ST6GALNAC5: variants seen among roughly 807,000 people sequenced by gnomAD.
The protein encoded by ST6GALNAC5 is ST6 N-acetylgalactosaminide alpha-2,6-sialyltransferase 5.
A neutral mutation model predicts 33.6 loss-of-function variants in ST6GALNAC5; 27 were observed. The ratio of observed to expected loss-of-function variants is 0.80; its 90% CI spans 0.59 to 1.11. ST6GALNAC5 has a LOEUF of 1.11. Among genes scored for constraint, ST6GALNAC5 ranks in the 50% least tolerant of loss-of-function variants. The pLI, the probability that ST6GALNAC5 is intolerant of heterozygous loss-of-function variation, is 0.00. For synonymous variants in ST6GALNAC5, 194 were observed against 171.2 expected, an observed-to-expected ratio of 1.13 and a Z score of -1.04; for missense variants, 428 against 454.0, an observed-to-expected ratio of 0.94 and a Z score of 0.52.
At chr1:76,928,488 G>C (rs1167654596) in intron 2 of ST6GALNAC5, among the ~76,000 whole-genome samples, 1 of 152,094 alleles carries the variant, frequency 6.6e-6, no homozygotes, top group Non-Finnish European at 1.5e-5. Context: ...AATAAAGGTA[G>C]CACATTGGCT....
At chr1:77,037,027 G>A (rs1338272096) in intron 2 of ST6GALNAC5, among the ~76,000 whole-genome samples, 1 of 152,058 alleles carries the variant, frequency 6.6e-6, no homozygotes, top group East Asian at 1.9e-4. Flanking sequence ...GGAGAAGAGT[G>A]GCTTGGGTGG....
intron 2 of ST6GALNAC5, among the ~76,000 whole-genome samples, chr1:76,898,443 G>A (rs1417826855): frequency 6.6e-6 from 1 of 152,206 alleles, no homozygotes; most frequent in Non-Finnish European, 1.5e-5. Context: ...TGTGGGGTTT[G>A]AGGGCCAGAA....
chr1:77,009,891 T>C (rs190485790), intron 2 of ST6GALNAC5, among the ~76,000 whole-genome samples: 1 of 152,332 alleles, frequency 6.6e-6, no homozygotes, highest in Non-Finnish European at 1.5e-5. Context: ...TCCTTTCCCA[T>C]TTGCTATTCT....
intron 2 of ST6GALNAC5, among the ~76,000 whole-genome samples, chr1:76,916,170 T>G (rs1213781673): frequency 2.0e-5 from 3 of 152,160 alleles, no homozygotes; most frequent in Non-Finnish European, 4.4e-5. Context: ...CTCGGTTCTC[T>G]TAAGTGTTTC....
intron 2 of ST6GALNAC5, among the ~76,000 whole-genome samples, chr1:76,875,735 G>C (rs941169353): frequency 6.6e-6 from 1 of 152,136 alleles, no homozygotes; most frequent in Admixed American, 6.5e-5. Context: ...CTGGACCCGT[G>C]CATCCTGGCT....
At chr1:76,932,096 A>G (rs540714977) in intron 2 of ST6GALNAC5, among the ~76,000 whole-genome samples, 109 of 152,242 alleles carry the variant, frequency 7.2e-4, no homozygotes, top group Middle Eastern at 3.4e-3. Context: ...TTAGGAATAA[A>G]GAAGTAGCGG....
At chr1:76,891,279 C>T (rs1050731861) in intron 2 of ST6GALNAC5, among the ~76,000 whole-genome samples, 6 of 152,130 alleles carry the variant, frequency 3.9e-5, no homozygotes, top group African/African-American at 1.4e-4. Flanking sequence ...CTTTTTAAAT[C>T]TTAGCCATCC....
chr1:77,036,064 A>C (rs1403626930), intron 2 of ST6GALNAC5, among the ~76,000 whole-genome samples: 1 of 152,230 alleles, frequency 6.6e-6, no homozygotes, highest in East Asian at 1.9e-4. Flanking sequence ...AAATAATCAA[A>C]GTACTGACAC....
intron 2 of ST6GALNAC5, among the ~76,000 whole-genome samples, chr1:77,024,596 A>C (rs1239769224): frequency 2.0e-5 from 3 of 152,148 alleles, no homozygotes; most frequent in Non-Finnish European, 4.4e-5. Context: ...TCTGCCTAGC[A>C]CTGTGTGCTC....
intron 2 of ST6GALNAC5, among the ~76,000 whole-genome samples, chr1:76,889,869 T>C (rs1307105411): frequency 6.6e-6 from 1 of 152,166 alleles, no homozygotes. Context: ...TCCTGGTCTT[T>C]GTCATAGTAT....
intron 2 of ST6GALNAC5, among the ~76,000 whole-genome samples, chr1:76,942,466 T>C (rs1647371422): frequency 6.6e-6 from 1 of 152,140 alleles, no homozygotes; most frequent in African/African-American, 2.4e-5. Flanking sequence ...CCAGTATCCA[T>C]GACTGACTGC....
chr1:76,880,912 A>G (rs946795040), intron 2 of ST6GALNAC5, among the ~76,000 whole-genome samples: 1 of 152,244 alleles, frequency 6.6e-6, no homozygotes, highest in African/African-American at 2.4e-5. Context: ...CTATTATAAA[A>G]GAGAATTTCC....
intron 2 of ST6GALNAC5, among the ~76,000 whole-genome samples, chr1:77,024,693 G>A (rs1651170165): frequency 6.6e-6 from 1 of 152,206 alleles, no homozygotes; most frequent in Non-Finnish European, 1.5e-5. Context: ...GAAGCTCCCT[G>A]CAGAGAACAA....
chr1:76,874,011 T>A (rs1232767484), intron 2 of ST6GALNAC5, among the ~76,000 whole-genome samples: 1 of 152,182 alleles, frequency 6.6e-6, no homozygotes, highest in Non-Finnish European at 1.5e-5. Context: ...CACTGAATAA[T>A]AATTTGAAAT....
At chr1:76,941,486 C>T (rs1451528048) in intron 2 of ST6GALNAC5, among the ~76,000 whole-genome samples, 1 of 152,120 alleles carries the variant, frequency 6.6e-6, no homozygotes, top group Admixed American at 6.6e-5. Flanking sequence ...ATCCCACCTC[C>T]TAATCACTAG....
chr1:76,991,271 A>C (rs189960385), intron 2 of ST6GALNAC5, among the ~76,000 whole-genome samples: 65 of 152,330 alleles, frequency 4.3e-4, no homozygotes, highest in Admixed American at 2.3e-3. Flanking sequence ...AAACATTGCA[A>C]ATGTTGGCTT....
chr1:77,040,972 T>C (rs1651813002), intron 2 of ST6GALNAC5, among the ~76,000 whole-genome samples: 1 of 152,210 alleles, frequency 6.6e-6, no homozygotes, highest in Non-Finnish European at 1.5e-5. Context: ...AGTCCTGCCA[T>C]GCTCCACCAT....
At chr1:76,998,661 A>T (rs1212717050) in intron 2 of ST6GALNAC5, among the ~76,000 whole-genome samples, 2 of 152,190 alleles carry the variant, frequency 1.3e-5, no homozygotes, top group Admixed American at 1.3e-4. Flanking sequence ...CATTTTTTTA[A>T]GTTCAGAGTT....
In ST6GALNAC5 at chr1:77,065,596, T is replaced by C. The variant is rs1652747417; in HGVS notation, c.*2390T>C. ...TTAAAGAAAATGACTAGAATTCTGA[T>C]AGATTGTGCTGATGAACCTGGTTGT... On this transcript the variant is annotated 3_prime_UTR_variant, in exon 5 of 5. Transcript: ENST00000477717. The C allele has an allele frequency of 6.6e-6, 1 of 152,242 alleles. No individual in the cohort carries two copies. Among genetic ancestry groups the C allele is most frequent in the Admixed American group, 6.5e-5 (1 of 15,278 alleles). The allele number at this position is 152,242 out of a possible 1,614,324, so 9.4% of individuals were successfully genotyped here.
Sources: allele counts gnomAD v4.1 joint callset (sites outside exome capture counted in the v4.1 genomes callset), GRCh38; gene constraint gnomAD v4.1.1; transcripts MANE v1.5; gene names NCBI Gene and HGNC (gene_info 2026-07-23, HGNC 2026-07-21).